BPI: variants seen among roughly 807,000 people sequenced by gnomAD.
The protein encoded by BPI is bactericidal permeability increasing protein.
A neutral mutation model predicts 57.6 loss-of-function variants in BPI; 48 were observed. The ratio of observed to expected loss-of-function variants is 0.83; its 90% CI spans 0.66 to 1.06. The LOEUF (loss-of-function observed/expected upper bound fraction) is 1.06. Among genes scored for constraint, BPI ranks in the 50% least tolerant of loss-of-function variants. The probability of loss-of-function intolerance (pLI) is 0.00; values close to 1 mark genes in which losing one functional copy is unlikely to be tolerated. For synonymous variants in BPI, 237 were observed against 238.2 expected (o/e 0.99, Z 0.05); for missense variants, 651 against 609.7 (o/e 1.07, Z -0.71).
At chr20:38,311,692 A>G (rs755492988) in intron 4 of BPI, among the ~76,000 whole-genome samples, 182 bp from the exon 5 acceptor site, 19 of 152,152 alleles carry the variant, frequency 1.2e-4, no homozygotes, top group Non-Finnish European at 2.2e-4. Flanking sequence ...AAATAGCCTC[A>G]TGAACAGGTC....
At chr20:38,332,769 A>G (rs2122565679) in intron 12 of BPI, among the ~76,000 whole-genome samples, 1 of 152,254 alleles carries the variant, frequency 6.6e-6, no homozygotes, top group Admixed American at 6.5e-5. Flanking sequence ...ACTGCTCATC[A>G]TTAAGTAGAT....
intron 3 of BPI, among the ~76,000 whole-genome samples, chr20:38,309,285 G>A (rs1403190555): frequency 2.0e-5 from 3 of 152,228 alleles, no homozygotes; most frequent in Non-Finnish European, 4.4e-5. Flanking sequence ...CTGAGTTGGT[G>A]TATGTGGCTT....
chr20:38,331,263 C>G (rs1217249019), intron 12 of BPI, among the ~76,000 whole-genome samples, 173 bp downstream of exon 12: 1 of 152,138 alleles, frequency 6.6e-6, no homozygotes, highest in Admixed American at 6.6e-5. Context: ...AGCCAGAATC[C>G]CTGCTCCATA....
chr20:38,323,215 T>C (rs993362468), intron 7 of BPI, among the ~76,000 whole-genome samples: 1 of 152,250 alleles, frequency 6.6e-6, no homozygotes, highest in Non-Finnish European at 1.5e-5. Flanking sequence ...CTTTAAATTT[T>C]ACATAAGTGG....
At chr20:38,306,590 G>T (rs1391574959) in intron 1 of BPI, among the ~76,000 whole-genome samples, 3 of 152,184 alleles carry the variant, frequency 2.0e-5, no homozygotes. Flanking sequence ...CCCAGAGGAA[G>T]TGATGAATGA....
At chr20:38,330,875 T>C (rs1409341270) in intron 11 of BPI, among the ~76,000 whole-genome samples, 173 bp from the exon 12 acceptor site, 2 of 152,116 alleles carry the variant, frequency 1.3e-5, no homozygotes, top group Non-Finnish European at 2.9e-5. Context: ...ATGCAGGGAA[T>C]GTGTGAATTC....
chr20:38,329,854 A>T (rs2076733766), intron 11 of BPI, among the ~76,000 whole-genome samples: 1 of 152,030 alleles, frequency 6.6e-6, no homozygotes, highest in Non-Finnish European at 1.5e-5. Context: ...CTGGGACTAC[A>T]GGTGCGCACC....
intron 2 of BPI, among the ~76,000 whole-genome samples, chr20:38,308,145 C>A (rs1282287653): frequency 1.3e-5 from 2 of 152,146 alleles, no homozygotes; most frequent in Non-Finnish European, 2.9e-5. Context: ...AAGACAGCCA[C>A]CAGTAAGTCT....
At position 38,337,194 on chromosome 20, in the gene BPI, G is replaced by T. The variant is rs1225518628; in HGVS notation, c.*10G>T. The stretch of plus-strand genomic sequence containing the variant: ...CGTTGTCTATAAATGAAGGCACCAG[G>T]GGTGCCGGGGGCTGTCAGCCACACC... On this transcript the variant is annotated 3_prime_UTR_variant, in exon 15 of 15. Coordinates refer to ENST00000642449, the MANE Select transcript of BPI (RefSeq NM_001725.3). The T allele has an allele frequency of 1.3e-6, 2 of 1,584,198 alleles. No individual in the cohort carries two copies. The highest frequency in any genetic ancestry group is 1.7e-6 in the Non-Finnish European group (2 of 1,168,296).
At chr20:38,306,508 C>T (rs1419606099) in intron 1 of BPI, among the ~76,000 whole-genome samples, 1 of 152,158 alleles carries the variant, frequency 6.6e-6, no homozygotes, top group Non-Finnish European at 1.5e-5. Context: ...AACAGGGGCT[C>T]CGAAAGAGCA....
intron 10 of BPI, chr20:38,326,666 T>C: frequency 2.2e-6 from 1 of 462,054 alleles, no homozygotes; most frequent in African/African-American, 2.0e-5. Context: ...ATTCAGTCAA[T>C]TTCTCATTCA....
intron 13 of BPI, among the ~76,000 whole-genome samples, chr20:38,334,771 G>A (rs756144170): frequency 2.6e-5 from 4 of 152,216 alleles, no homozygotes; most frequent in Non-Finnish European, 5.9e-5. Context: ...TTTATGGCAG[G>A]AAGCGGAAGA....
intron 11 of BPI, among the ~76,000 whole-genome samples, chr20:38,328,249 G>T (rs776369798): frequency 5.3e-5 from 8 of 152,118 alleles, no homozygotes; most frequent in Non-Finnish European, 8.8e-5. Flanking sequence ...TCAGTTCTCC[G>T]ACTGTCAAAT....
Position 38,331,032 on chromosome 20 carries a change from C to G in BPI, c.1230-16C>G, listed in dbSNP as rs371549758. On this transcript the variant is annotated splice_polypyrimidine_tract_variant and intron_variant, in intron 11 of 14. Coordinates refer to ENST00000642449, the MANE Select transcript of BPI (RefSeq NM_001725.3). ...AGGCAATTGGTGGTCTCAGTCCCCT[C>G]CTCCCCCTCTCACAGGCTGCTCCTG... 8.1e-6 allele frequency: 13 copies of G among 1,613,864 alleles called. No individual in the cohort carries two copies. Among genetic ancestry groups the G allele is most frequent in the African/African-American group, 1.3e-5 (1 of 74,894 alleles).
At chr20:38,321,670 A>G (rs1032048415) in intron 7 of BPI, 2 of 152,210 alleles carry the variant, frequency 1.3e-5, no homozygotes, top group Non-Finnish European at 2.9e-5. Context: ...TTCAATGTGA[A>G]AAAGAAACTT....
At chr20:38,323,798 T>C (rs1361451489) in intron 7 of BPI, 72 bp from the exon 8 acceptor site, 3 of 1,527,076 alleles carry the variant, frequency 2.0e-6, no homozygotes, top group African/African-American at 1.4e-5. Context: ...CAGTCCATTT[T>C]TTCCTGGATG....
At chr20:38,335,550 C>T (rs747421194) in intron 13 of BPI, 48 bp from the exon 14 acceptor site, 2 of 1,552,294 alleles carry the variant, frequency 1.3e-6, no homozygotes, top group African/African-American at 1.4e-5. Context: ...TCCTCCCCTG[C>T]CCTTCTCTTT....
intron 10 of BPI, 30 bp downstream of exon 10, chr20:38,326,462 G>A: frequency 6.3e-6 from 10 of 1,597,604 alleles, no homozygotes; most frequent in Non-Finnish European, 8.5e-6. Flanking sequence ...GACAGATGAG[G>A]AGCCCCAGAC....
At chr20:38,330,033 C>T (rs1477757452) in intron 11 of BPI, among the ~76,000 whole-genome samples, 1 of 152,022 alleles carries the variant, frequency 6.6e-6, no homozygotes, top group Non-Finnish European at 1.5e-5. Context: ...TTTATTATAG[C>T]CTGGGCAACA....
Sources: gnomAD v4.1 joint callset for allele counts (sites outside exome capture counted in the v4.1 genomes callset) on GRCh38, gnomAD v4.1.1 for gene constraint, MANE v1.5 for transcripts, NCBI Gene and HGNC (gene_info 2026-07-23, HGNC 2026-07-21) for gene names.